Variants in GAS7 observed in about 807,000 individuals in gnomAD.
The protein encoded by GAS7 is growth arrest-specific protein 7.
A neutral mutation model predicts 71.1 loss-of-function variants in GAS7; 28 were observed. The observed-to-expected ratio is 0.39, with a 90% CI of 0.29 to 0.54. The LOEUF (loss-of-function observed/expected upper bound fraction) is 0.54. Ranked by LOEUF, GAS7 falls within the 20% of genes least tolerant of loss-of-function variation. The pLI is 0.62. For synonymous variants in GAS7, 258 were observed against 245.8 expected (o/e 1.05, Z -0.46); for missense variants, 436 against 627.8 (o/e 0.69, Z 3.27).
intron 1 of GAS7, among the ~76,000 whole-genome samples, chr17:10,142,604 G>A (rs918850615): frequency 5.3e-5 from 8 of 152,046 alleles, no homozygotes; most frequent in Non-Finnish European, 1.0e-4. Context: ...AGCCCGCCTC[G>A]GCCTCCCCAA....
chr17:10,039,808 G>C (rs2072828970), intron 1 of GAS7: 4 of 452,818 alleles, frequency 8.8e-6, no homozygotes, highest in Non-Finnish European at 1.8e-5. Flanking sequence ...AATGTCAATC[G>C]AGGGATTTTC....
At chr17:9,993,121 G>A (rs188073844) in intron 2 of GAS7, among the ~76,000 whole-genome samples, 2,045 of 151,860 alleles carry the variant, frequency 0.013, 21 homozygotes, top group Non-Finnish European at 0.02. Context: ...TATATACCCA[G>A]TAATGGGATG....
chr17:9,910,950 A>G lies in GAS7; in HGVS notation c.*6278T>C, dbSNP rs2067420335. 4.3e-6 allele frequency: 1 copy of G among 232,246 alleles called. No homozygotes were observed. Among genetic ancestry groups the G allele is most frequent in the Non-Finnish European group, 8.5e-6 (1 of 117,246 alleles). The allele number at this position is 232,246 out of a possible 1,614,324, so 14.4% of individuals were successfully genotyped here. ...TGAAAAATGTATAAAGTATTTAGCA[A>G]AAGTTACAGAAAACAGATCAAACAA... On this transcript the variant is annotated 3_prime_UTR_variant, in exon 14 of 14. Coordinates refer to ENST00000432992, the MANE Select transcript of GAS7 (RefSeq NM_201433.2).
At chr17:10,126,465 T>C (rs1463660165) in intron 1 of GAS7, among the ~76,000 whole-genome samples, 4 of 147,462 alleles carry the variant, frequency 2.7e-5, no homozygotes, top group East Asian at 4.1e-4. Flanking sequence ...CACGCACTCA[T>C]GCACACACGC....
intron 1 of GAS7, among the ~76,000 whole-genome samples, chr17:10,028,106 C>T (rs886106760): frequency 1.6e-4 from 24 of 152,294 alleles, no homozygotes; most frequent in Admixed American, 9.2e-4. Flanking sequence ...GGTTTCACCG[C>T]GTTGGCCAGG....
chr17:10,197,101 T>A (rs569356209), intron 1 of GAS7, among the ~76,000 whole-genome samples: 1 of 152,342 alleles, frequency 6.6e-6, no homozygotes, highest in South Asian at 2.1e-4. Flanking sequence ...AGGCTCTTGC[T>A]GACAATGTTG....
chr17:10,083,918 G>A (rs2073485872), intron 1 of GAS7, among the ~76,000 whole-genome samples: 1 of 152,214 alleles, frequency 6.6e-6, no homozygotes, highest in Admixed American at 6.5e-5. Context: ...ACACCAAACA[G>A]GAAGACAAGT....
In GAS7 at chr17:9,947,186, C is replaced by T. The variant is rs531103419; in HGVS notation, c.526-203G>A. On this transcript the variant is annotated intron_variant, in intron 5 of 13. Transcript: ENST00000432992. ...ACCCCAAATGGGCTGTGAACCAGTACCACCTCTCTAGATGGCAGTTTACTA... is the reference window on the plus strand; with the variant it reads ...ACCCCAAATGGGCTGTGAACCAGTATCACCTCTCTAGATGGCAGTTTACTA... Among the ~76,000 whole-genome samples the T allele has an allele frequency of 2.6e-5, 4 of 152,288 alleles. No homozygotes were observed. In the South Asian group the frequency reaches 8.3e-4, roughly 32 times the overall value.
At chr17:10,006,631 C>T (rs1359612712) in intron 2 of GAS7, among the ~76,000 whole-genome samples, 1 of 151,370 alleles carries the variant, frequency 6.6e-6, no homozygotes, top group Admixed American at 6.6e-5. Context: ...GCCCGGCCGC[C>T]CCAAATTCTT....
chr17:10,149,620 CAT>C (rs1157830379), intron 1 of GAS7, among the ~76,000 whole-genome samples: 1 of 152,092 alleles, frequency 6.6e-6, no homozygotes, highest in Non-Finnish European at 1.5e-5. Flanking sequence ...GAACTGAAAA[CAT>C]GTCCCACAAA....
At chr17:9,964,536 A>G (rs1011856354) in intron 4 of GAS7, among the ~76,000 whole-genome samples, 3 of 152,130 alleles carry the variant, frequency 2.0e-5, no homozygotes, top group Non-Finnish European at 2.9e-5. Context: ...TGCTGCCTCC[A>G]GGCATCCACG....
chr17:9,964,310 C>G (rs1203484894), intron 4 of GAS7, among the ~76,000 whole-genome samples: 1 of 152,186 alleles, frequency 6.6e-6, no homozygotes, highest in East Asian at 1.9e-4. Context: ...AGCCCATTTC[C>G]TCCCCCCCTG....
intron 1 of GAS7, among the ~76,000 whole-genome samples, chr17:10,133,493 T>C (rs2074015094): frequency 6.6e-6 from 1 of 152,200 alleles, no homozygotes; most frequent in Non-Finnish European, 1.5e-5. Context: ...ATGGTGTACA[T>C]ACACTGTGGA....
At chr17:9,954,816 T>C (rs1597533961) in intron 5 of GAS7, among the ~76,000 whole-genome samples, 1 of 151,928 alleles carries the variant, frequency 6.6e-6, no homozygotes, top group Non-Finnish European at 1.5e-5. Flanking sequence ...AAACCCTGAG[T>C]TGACTGACCT....
intron 6 of GAS7, 49 bp downstream of exon 6, chr17:9,946,845 C>A: frequency 7.9e-7 from 1 of 1,267,698 alleles, no homozygotes. Flanking sequence ...TGGGTGTCCA[C>A]TCCCGGTCAC....
At chr17:10,017,381 T>C (rs1597698214) in intron 2 of GAS7, among the ~76,000 whole-genome samples, 1 of 149,960 alleles carries the variant, frequency 6.7e-6, no homozygotes, top group Non-Finnish European at 1.5e-5. Context: ...CAGGCTGGAG[T>C]GCAATGGCGT....
intron 5 of GAS7, among the ~76,000 whole-genome samples, chr17:9,955,972 C>T (rs957268312): frequency 1.3e-5 from 2 of 152,234 alleles, no homozygotes; most frequent in Non-Finnish European, 2.9e-5. Context: ...GCCAGAAGCA[C>T]ATGGGCTGCC....
intron 1 of GAS7, 32 bp downstream of exon 1, chr17:10,198,176 C>T (rs1238850725): frequency 6.3e-7 from 1 of 1,594,916 alleles, no homozygotes; most frequent in Non-Finnish European, 8.5e-7. Context: ...ACCGCAGCCC[C>T]GGCTCCTACA....
rs202153893 is a variant in GAS7, at chr17:9,919,620, G to A, written c.1218+6C>T. On this transcript the variant is annotated splice_donor_region_variant and intron_variant, in intron 12 of 13. Coordinates refer to ENST00000432992, the MANE Select transcript of GAS7 (RefSeq NM_201433.2). The surrounding 1 kb of genome is among the most constrained non-coding windows in gnomAD (Gnocchi z 5.0). ...CTGCCATGTCCACACATCCCTGCCC[G>A]CTTACCAATGTGGTGGTCACCATCT... The A allele has an allele frequency of 5.0e-5, 81 of 1,604,388 alleles. No individual in the cohort carries two copies. The highest frequency in any genetic ancestry group is 4.0e-4 in the East Asian group (18 of 44,824).
Sources: gnomAD v4.1 joint callset for allele counts (sites outside exome capture counted in the v4.1 genomes callset) on GRCh38, gnomAD v4.1.1 for gene constraint, Gnocchi (gnomAD v3.1) non-coding constraint, MANE v1.5 for transcripts, NCBI Gene and HGNC (gene_info 2026-07-23, HGNC 2026-07-21) for gene names.